Variants in HEATR5B observed in about 807,000 individuals in gnomAD.
HEATR5B encodes the protein HEAT repeat-containing protein 5B.
Under a neutral mutation model 224.1 loss-of-function variants are expected in HEATR5B, and 156 were observed. The ratio of observed to expected loss-of-function variants is 0.70; its 90% CI spans 0.61 to 0.80. The LOEUF (loss-of-function observed/expected upper bound fraction) is 0.80, where lower values mean the gene tolerates loss of function less well. Ranked by LOEUF, HEATR5B falls within the 30% of genes least tolerant of loss-of-function variation. The probability of loss-of-function intolerance (pLI) is 0.00; values close to 1 mark genes in which losing one functional copy is unlikely to be tolerated. For synonymous variants in HEATR5B, 1,027 were observed against 893.0 expected (o/e 1.15, Z -2.68); for missense variants, 2,323 against 2,535.5 (o/e 0.92, Z 1.80).
chr2:37,047,683 C>G (rs957349216), intron 18 of HEATR5B, among the ~76,000 whole-genome samples: 1 of 152,144 alleles, frequency 6.6e-6, no homozygotes, highest in Non-Finnish European at 1.5e-5. Context: ...CTGTGAATTT[C>G]TGTCTTAATG....
chr2:36,993,214 C>T (rs1209072063), intron 33 of HEATR5B, among the ~76,000 whole-genome samples: 1 of 151,868 alleles, frequency 6.6e-6, no homozygotes, highest in African/African-American at 2.4e-5. Flanking sequence ...ATTGAAGTAA[C>T]AGTAAGGGAC....
At position 37,064,289 on chromosome 2, in the gene HEATR5B, T is replaced by G. The variant is rs536306849; in HGVS notation, c.1584+451A>C. 3.3e-3 allele frequency among the ~76,000 whole-genome samples: 499 copies of G among 150,122 alleles called. 2 individuals are homozygous for G. Among genetic ancestry groups the G allele is most frequent in the African/African-American group, 9.8e-3 (403 of 41,000 alleles). ...TATATCTAAGGTTGGGTTTTTTTTT[T>G]TTTTTTTTTTTGAGACAGGGTAGGT... On this transcript the variant is annotated intron_variant, in intron 10 of 35. Coordinates refer to ENST00000233099, the MANE Select transcript of HEATR5B (RefSeq NM_019024.3).
chr2:36,990,587 T>C (rs1666261652), intron 34 of HEATR5B, 61 bp downstream of exon 34: 2 of 1,371,154 alleles, frequency 1.5e-6, no homozygotes, highest in African/African-American at 2.9e-5. Flanking sequence ...AATGAATCAA[T>C]CTGACATTTT....
intron 20 of HEATR5B, among the ~76,000 whole-genome samples, chr2:37,039,264 A>G (rs2148494406): frequency 6.6e-6 from 1 of 152,202 alleles, no homozygotes; most frequent in East Asian, 1.9e-4. Flanking sequence ...CAGGAGTTCG[A>G]GACCAGCCTG....
chr2:37,037,845 C>A lies in HEATR5B; in HGVS notation c.3216+10G>T. On this transcript the variant is annotated intron_variant, in intron 21 of 35. Transcript: ENST00000233099. ...TTAAAAATCAATGAATGAAATAGCT[C>A]TATACTTACACAAAGGCTAGGAACA... 6.6e-7 allele frequency: 1 copy of A among 1,504,476 alleles called. No homozygotes were observed. The highest frequency in any genetic ancestry group is 8.9e-7 in the Non-Finnish European group (1 of 1,121,494). The allele number at this position is 1,504,476 out of a possible 1,614,324, so 93.2% of individuals were successfully genotyped here.
intron 3 of HEATR5B, among the ~76,000 whole-genome samples, chr2:37,078,460 G>C (rs1324109436): frequency 6.6e-6 from 1 of 151,910 alleles, no homozygotes; most frequent in African/African-American, 2.4e-5. Flanking sequence ...ATAAAATTAT[G>C]TGTGTATTTG....
chr2:37,051,798 G>A (rs1670568970), intron 17 of HEATR5B, among the ~76,000 whole-genome samples: 1 of 151,952 alleles, frequency 6.6e-6, no homozygotes, highest in South Asian at 2.1e-4. Context: ...GGAGTGCAAT[G>A]GCATGATCTC....
At chr2:37,008,522 C>T (rs917084502) in intron 28 of HEATR5B, 89 bp downstream of exon 28, 2 of 878,478 alleles carry the variant, frequency 2.3e-6, no homozygotes, top group South Asian at 1.4e-5. Context: ...GTTACTATAG[C>T]AACTGTTGTT....
chr2:37,065,060 T>C, intron 9 of HEATR5B, 70 bp from the exon 10 acceptor site: 1 of 1,439,308 alleles, frequency 6.9e-7, no homozygotes, highest in African/African-American at 1.4e-5. Context: ...AAATACTATC[T>C]AAAAAACAAT....
Position 37,050,048 on chromosome 2 carries a change from G to C in HEATR5B, c.2506-205C>G, listed in dbSNP as rs567954041. On this transcript the variant is annotated intron_variant, in intron 17 of 35. Coordinates refer to ENST00000233099, the MANE Select transcript of HEATR5B (RefSeq NM_019024.3). Reference sequence around the variant, plus strand: ...TGGGACTATAGGCGCATGCCACCCTGCTGGGCTAATTTTTAAAAAGTTTTT... The same window carrying C: ...TGGGACTATAGGCGCATGCCACCCTCCTGGGCTAATTTTTAAAAAGTTTTT... Among the ~76,000 whole-genome samples the C allele has an allele frequency of 2.6e-5, 4 of 151,918 alleles. No homozygotes were observed. In the South Asian group the frequency reaches 8.3e-4, roughly 32 times the overall value.
rs917528170 is a variant in HEATR5B, at chr2:37,005,070, C to T, written c.4905+562G>A. ...ATAGGGTTCAAACTCTTTTACATGT[C>T]ATCAAGAAACCTTCATGATTTGGTC... On this transcript the variant is annotated intron_variant, in intron 30 of 35. Transcript: ENST00000233099. Among the ~76,000 whole-genome samples the T allele has an allele frequency of 3.3e-5, 5 of 152,320 alleles. No homozygotes were observed. The East Asian group carries it at 9.6e-4, about 29-fold the overall frequency.
chr2:37,066,528 C>T (rs1056320353), intron 8 of HEATR5B, among the ~76,000 whole-genome samples: 1 of 152,164 alleles, frequency 6.6e-6, no homozygotes, highest in African/African-American at 2.4e-5. Context: ...TTACCTCTTA[C>T]TGGAATGTTT....
chr2:37,045,222 GTTTTCTCCAA>G (rs1457299466), intron 18 of HEATR5B, among the ~76,000 whole-genome samples: 2 of 151,068 alleles, frequency 1.3e-5, no homozygotes, highest in African/African-American at 4.9e-5. Context: ...ATTGATTGAT[GTTTTCTCCAA>G]GTAAGAGGTT....
At chr2:37,011,555 G>T (rs1667788617) in intron 27 of HEATR5B, among the ~76,000 whole-genome samples, 1 of 152,020 alleles carries the variant, frequency 6.6e-6, no homozygotes, top group East Asian at 1.9e-4. Flanking sequence ...TTCTATCTTT[G>T]TAAGTTATAA....
chr2:37,031,602 T>C (rs1669137715), intron 22 of HEATR5B, among the ~76,000 whole-genome samples: 1 of 152,068 alleles, frequency 6.6e-6, no homozygotes. Flanking sequence ...AAGAGTTCTG[T>C]AACTACTTTT....
intron 30 of HEATR5B, 24 bp downstream of exon 30, chr2:37,005,608 A>G (rs753978773): frequency 1.2e-6 from 2 of 1,604,230 alleles, no homozygotes; most frequent in East Asian, 2.2e-5. Context: ...CCACACAAGT[A>G]TCTATCATAG....
chr2:37,003,302 G>T (rs1667208700), intron 31 of HEATR5B, among the ~76,000 whole-genome samples: 1 of 150,760 alleles, frequency 6.6e-6, no homozygotes, highest in Non-Finnish European at 1.5e-5. Context: ...GCTGGGCTTG[G>T]TGGAGTGTGC....
rs770245987 is a variant in HEATR5B, at chr2:37,040,497, C to A, written c.2878G>T (p.Ala960Ser). The A allele has an allele frequency of 6.2e-7, 1 of 1,608,766 alleles. No homozygotes were observed. The highest frequency in any genetic ancestry group is 1.1e-5 in the South Asian group (1 of 89,472). ...EVQTWSLHSLALIVDSSGPMY... is the reference protein window; with the variant it reads ...EVQTWSLHSLSLIVDSSGPMY... ...GGACCACTAGAATCCACTATCAAAG[C>A]AAGTGAATGAAGAGACCAAGTCTAG... is the stretch of plus-strand genomic sequence containing the variant. Residue 960 changes from alanine to serine, a missense_variant, in exon 20 of 36, where the codon GCT becomes TCT. Ala to Ser is a moderately conservative substitution (Grantham distance 99). Transcript: ENST00000233099.
At chr2:37,079,721 C>T (rs1672438721) in intron 2 of HEATR5B, among the ~76,000 whole-genome samples, 1 of 152,060 alleles carries the variant, frequency 6.6e-6, no homozygotes. Context: ...CATAAAGTTA[C>T]AGGTCAGCAA....
Sources: allele counts gnomAD v4.1 joint callset (sites outside exome capture counted in the v4.1 genomes callset), GRCh38; gene constraint gnomAD v4.1.1; transcripts MANE v1.5; gene names NCBI Gene and HGNC (gene_info 2026-07-23, HGNC 2026-07-21).